The following MACF1 variants were observed in gnomAD, a reference collection of about 807,000 sequenced individuals.
The protein encoded by MACF1 is microtubule actin crosslinking factor 1.
Under a neutral mutation model 854.8 loss-of-function variants are expected in MACF1, and 193 were observed. The ratio of observed to expected loss-of-function variants is 0.23; its 90% confidence interval spans 0.20 to 0.25. The LOEUF is 0.25. MACF1 is among the 10% of genes least tolerant of loss of function. The probability of loss-of-function intolerance (pLI) is 1.00; values close to 1 mark genes in which losing one functional copy is unlikely to be tolerated. For missense variants in MACF1, 7,722 were observed against 8,929.1 expected (o/e 0.86, Z 5.45); for synonymous variants, 3,185 against 3,226.7 (o/e 0.99, Z 0.44).
intron 2 of MACF1, among the ~76,000 whole-genome samples, chr1:39,185,827 G>C (rs774328011): frequency 2.2e-4 from 34 of 152,124 alleles, no homozygotes; most frequent in Non-Finnish European, 2.8e-4. Flanking sequence ...CCATCTCCCT[G>C]TATCTCTTCA....
At chr1:39,349,427 T>C (rs372695912) in intron 41 of MACF1, 51 bp from the exon 42 acceptor site, 190 of 1,551,630 alleles carry the variant, frequency 1.2e-4, no homozygotes, top group Non-Finnish European at 1.6e-4. Flanking sequence ...TTCTTGTATT[T>C]GCAAAATGTG....
chr1:39,222,894 A>T (rs985765258), intron 1 of MACF1, among the ~76,000 whole-genome samples: 2 of 152,128 alleles, frequency 1.3e-5, no homozygotes, highest in Non-Finnish European at 1.5e-5. Flanking sequence ...ATGGTTCGTA[A>T]TGTACTGGGA....
At chr1:39,440,106 C>CTTTTTTTTTTTTTTT (rs1251165556) in intron 72 of MACF1, among the ~76,000 whole-genome samples, 3 of 68,300 alleles carry the variant, frequency 4.4e-5, no homozygotes, top group African/African-American at 2.0e-4. Flanking sequence ...CTTTTCTTTT[C>CTTTTTTTTTTTTTTT]TTTTCTTTTT....
intron 58 of MACF1, among the ~76,000 whole-genome samples, chr1:39,418,028 ATAGT>A (rs1218394969): frequency 1.3e-5 from 2 of 152,222 alleles, no homozygotes; most frequent in African/African-American, 4.8e-5. Context: ...AAATAAATAC[ATAGT>A]TAGAAATTTT....
chr1:39,297,893 T>C (rs369619976), intron 21 of MACF1, 148 bp downstream of exon 21: 3 of 884,726 alleles, frequency 3.4e-6, no homozygotes, highest in African/African-American at 3.4e-5. Flanking sequence ...TTAATCGATG[T>C]TGTTCTGTCT....
At chr1:39,249,559 G>A (rs1380823244) in intron 2 of MACF1, among the ~76,000 whole-genome samples, 1 of 152,202 alleles carries the variant, frequency 6.6e-6, no homozygotes, top group Admixed American at 6.5e-5. Context: ...TGGTGTAAGA[G>A]AAGGGTTAAA....
chr1:39,293,410 C>T, intron 17 of MACF1, 48 bp from the exon 18 acceptor site: 1 of 1,515,750 alleles, frequency 6.6e-7, no homozygotes, highest in Non-Finnish European at 9.0e-7. Flanking sequence ...CTATCTTCTA[C>T]AGATACAAAG....
At chr1:39,379,158 C>T (rs112553473) in intron 53 of MACF1, 45 bp from the exon 54 acceptor site, 11 of 1,526,022 alleles carry the variant, frequency 7.2e-6, no homozygotes, top group East Asian at 2.3e-5. Context: ...AAGGAGCATA[C>T]TCGAAGAGCT....
At chr1:39,405,783 G>A (rs1642672193) in intron 58 of MACF1, among the ~76,000 whole-genome samples, 1 of 152,202 alleles carries the variant, frequency 6.6e-6, no homozygotes, top group Non-Finnish European at 1.5e-5. Flanking sequence ...GCATATGTTT[G>A]TGGTTACAGG....
intron 42 of MACF1, 148 bp from the exon 43 acceptor site, chr1:39,350,637 A>T (rs1205624117): frequency 1.9e-6 from 1 of 529,476 alleles, no homozygotes; most frequent in Non-Finnish European, 3.3e-6. Flanking sequence ...ATTTCTTTGC[A>T]TTGATTTAAG....
intron 58 of MACF1, among the ~76,000 whole-genome samples, chr1:39,418,761 A>G (rs1180376): frequency 0.35 from 52,570 of 151,942 alleles, 9,611 homozygotes; most frequent in African/African-American, 0.47. Context: ...TACTTGAGAG[A>G]CTGAGGTGAG....
At chr1:39,085,644 C>T (rs922300809) in intron 2 of MACF1, among the ~76,000 whole-genome samples, 4 of 151,990 alleles carry the variant, frequency 2.6e-5, no homozygotes, top group Admixed American at 2.6e-4. Flanking sequence ...TGAAGTGCTG[C>T]CTGTACAACA....
At chr1:39,362,823 G>T (rs1648321585) in intron 49 of MACF1, among the ~76,000 whole-genome samples, 1 of 152,074 alleles carries the variant, frequency 6.6e-6, no homozygotes, top group Non-Finnish European at 1.5e-5. Flanking sequence ...ATAGTGTTAG[G>T]AAATATATGT....
At chr1:39,414,604 T>G in intron 58 of MACF1, 1 of 1,399,880 alleles carries the variant, frequency 7.1e-7, no homozygotes. Flanking sequence ...GGGCTTATAG[T>G]TTGTAGTCTT....
chr1:39,104,921 C>T (rs891074186), intron 2 of MACF1, among the ~76,000 whole-genome samples: 4 of 152,206 alleles, frequency 2.6e-5, no homozygotes, highest in Non-Finnish European at 5.9e-5. Context: ...TTCAGTTTCT[C>T]CAGGTCCTTC....
intron 2 of MACF1, among the ~76,000 whole-genome samples, chr1:39,087,365 T>C (rs77826036): frequency 0.14 from 22,031 of 152,182 alleles, 1,709 homozygotes; most frequent in African/African-American, 0.18. Context: ...CGCCCTTGCT[T>C]GAGAGGCCTG....
At chr1:39,390,120 G>A (rs1641973649) in intron 58 of MACF1, among the ~76,000 whole-genome samples, 1 of 152,166 alleles carries the variant, frequency 6.6e-6, no homozygotes, top group Admixed American at 6.5e-5. Context: ...TTTCCTTGTG[G>A]TAAATACGTA....
At position 39,291,486 on chromosome 1, in the gene MACF1, T is replaced by G. The variant is rs114326695; in HGVS notation, c.1786-424T>G. On this transcript the variant is annotated intron_variant, in intron 15 of 100. Coordinates refer to ENST00000564288, the MANE Select transcript of MACF1 (RefSeq NM_001394062.1). ...CCCAAAGTAACCTGTTTTAAAATTATCTTCCATTGGCCAGTAGTTGATGTC... is the reference window on the plus strand; with the variant it reads ...CCCAAAGTAACCTGTTTTAAAATTAGCTTCCATTGGCCAGTAGTTGATGTC... Among the ~76,000 whole-genome samples, 632 of 152,362 alleles carry G rather than the reference T, an allele frequency of 4.1e-3. 5 individuals are homozygous for G. Among genetic ancestry groups the G allele is most frequent in the African/African-American group, 0.014 (571 of 41,586 alleles).
intron 44 of MACF1, among the ~76,000 whole-genome samples, chr1:39,356,348 G>A (rs1180373): frequency 0.031 from 4,662 of 151,958 alleles, 180 homozygotes; most frequent in African/African-American, 0.086. Flanking sequence ...GGACACATGA[G>A]TGACATATTT....
Sources: allele counts gnomAD v4.1 joint callset (sites outside exome capture counted in the v4.1 genomes callset), GRCh38; gene constraint gnomAD v4.1.1; transcripts MANE v1.5; gene names NCBI Gene and HGNC (gene_info 2026-07-23, HGNC 2026-07-21).